Variants in ZBED6 observed in about 807,000 individuals in gnomAD.
ZBED6 encodes the protein zinc finger BED domain-containing protein 6.
A neutral mutation model predicts 58.4 loss-of-function variants in ZBED6; 40 were observed. The ratio of observed to expected loss-of-function variants is 0.68; its 90% CI spans 0.53 to 0.89. ZBED6 has a LOEUF of 0.89. ZBED6 is among the 40% of genes least tolerant of loss of function. ZBED6 has a pLI of 0.00. For synonymous variants in ZBED6, 439 were observed against 350.6 expected, an observed-to-expected ratio of 1.25 and a Z score of -2.82; for missense variants, 1,057 against 1,003.9, an observed-to-expected ratio of 1.05 and a Z score of -0.71.
chr1:203,803,213 C>T (rs553294821), intron 1 of ZBED6, among the ~76,000 whole-genome samples, 197 bp downstream of exon 1: 8 of 151,764 alleles, frequency 5.3e-5, no homozygotes, highest in East Asian at 3.9e-4. Context: ...TTTTTGGAGA[C>T]GGAGTTTTAC....
intron 3 of ZBED6, among the ~76,000 whole-genome samples, chr1:203,826,631 G>A (rs1204453986): frequency 2.0e-5 from 3 of 151,966 alleles, no homozygotes; most frequent in African/African-American, 7.2e-5. Flanking sequence ...ATACATTTAA[G>A]CATCTTTTTG....
chr1:203,809,641 C>T (rs1360042640), intron 1 of ZBED6, among the ~76,000 whole-genome samples: 7 of 151,844 alleles, frequency 4.6e-5, no homozygotes, highest in African/African-American at 1.5e-4. Flanking sequence ...TATTTTCAAA[C>T]GGTTATTTTC....
At chr1:203,850,563 C>G in exon 15 of ZBED6, 1 of 1,613,970 alleles carries the variant, frequency 6.2e-7, no homozygotes, top group Non-Finnish European at 8.5e-7. Context: ...GTTGTGTCAT[C>G]CCCCAAATTG....
At chr1:203,832,822 GGAGTA>G (rs1682834217) in intron 8 of ZBED6, among the ~76,000 whole-genome samples, 1 of 152,192 alleles carries the variant, frequency 6.6e-6, no homozygotes, top group Non-Finnish European at 1.5e-5. Flanking sequence ...AGTTAACATC[GGAGTA>G]GAGTACAGTT....
intron 6 of ZBED6, 67 bp downstream of exon 6, chr1:203,829,963 A>G (rs1195590355): frequency 2.1e-6 from 3 of 1,448,502 alleles, no homozygotes; most frequent in South Asian, 2.3e-5. Flanking sequence ...TTAGTTCACA[A>G]TCATTGACCT....
intron 8 of ZBED6, among the ~76,000 whole-genome samples, 166 bp from the exon 9 acceptor site, chr1:203,833,625 T>G (rs1480553028): frequency 1.3e-5 from 2 of 149,418 alleles, no homozygotes; most frequent in South Asian, 2.1e-4. Flanking sequence ...TGGGTTTTTT[T>G]TTTTTTTTTT....
intron 1 of ZBED6, among the ~76,000 whole-genome samples, chr1:203,803,793 G>A (rs868510730): frequency 6.6e-6 from 1 of 152,122 alleles, no homozygotes; most frequent in Non-Finnish European, 1.5e-5. Flanking sequence ...CTTTTGTAGA[G>A]ATGGAGTTGC....
intron 1 of ZBED6, among the ~76,000 whole-genome samples, chr1:203,803,794 A>G (rs1671259868): frequency 6.6e-6 from 1 of 152,094 alleles, no homozygotes; most frequent in Non-Finnish European, 1.5e-5. Context: ...TTTTGTAGAG[A>G]TGGAGTTGCT....
intron 7 of ZBED6, among the ~76,000 whole-genome samples, chr1:203,831,281 A>AT (rs1305212576): frequency 6.6e-6 from 1 of 152,128 alleles, no homozygotes; most frequent in Non-Finnish European, 1.5e-5. Flanking sequence ...GGCTTGCTTT[A>AT]TAGCAACCTT....
chr1:203,808,006 TG>T (rs1672963101), intron 1 of ZBED6, among the ~76,000 whole-genome samples: 1 of 152,152 alleles, frequency 6.6e-6, no homozygotes, highest in African/African-American at 2.4e-5. Context: ...CCTCTCAAAG[TG>T]CTGGCATTAC....
chr1:203,852,069 TCC>T, intron 16 of ZBED6, 70 bp from the exon 17 acceptor site: 5 of 1,579,782 alleles, frequency 3.2e-6, no homozygotes, highest in Non-Finnish European at 4.3e-6. Context: ...TCACTTTGTG[TCC>T]GTGAGACTAG....
intron 3 of ZBED6, among the ~76,000 whole-genome samples, chr1:203,821,762 G>GTT (rs201404414): frequency 4.2e-5 from 6 of 141,662 alleles, no homozygotes; most frequent in South Asian, 2.3e-4. Flanking sequence ...TTTTGGTTTT[G>GTT]TTTTTTTTTT....
chr1:203,839,196 G>A (rs1303045475), intron 10 of ZBED6, among the ~76,000 whole-genome samples: 1 of 152,096 alleles, frequency 6.6e-6, no homozygotes. Flanking sequence ...GAGATAGCTG[G>A]GAGTTAGATT....
At chr1:203,814,454 G>A (rs1284374638) in intron 1 of ZBED6, among the ~76,000 whole-genome samples, 1 of 152,088 alleles carries the variant, frequency 6.6e-6, no homozygotes, top group Non-Finnish European at 1.5e-5. Flanking sequence ...AACCTGGGAG[G>A]CAGAGGTTGC....
At chr1:203,818,448 T>G in intron 2 of ZBED6, 122 bp from the exon 3 acceptor site, 1 of 1,320,230 alleles carries the variant, frequency 7.6e-7, no homozygotes, top group South Asian at 1.4e-5. Flanking sequence ...CCATTGTTTT[T>G]TACCTTACCA....
chr1:203,853,571 G>A lies in ZBED6; in HGVS notation c.*6304G>A, dbSNP rs1320156711. ...TGTTGTATATAATCAGGAGGAAGAG[G>A]AAGGAAGGACTTACCCATTTTGATA... On this transcript the variant is annotated 3_prime_UTR_variant, in exon 17 of 17. Coordinates refer to ENST00000550078, the Ensembl canonical transcript of ZBED6. The A allele has an allele frequency of 1.4e-4, 22 of 152,712 alleles. No individual in the cohort carries two copies. In the East Asian group the frequency reaches 4.1e-3, roughly 28 times the overall value. The allele number at this position is 152,712 out of a possible 1,614,324, so 9.5% of individuals were successfully genotyped here. A position where few individuals can be genotyped will look rare whatever the true frequency, so the allele number is the denominator to read the frequency against.
At chr1:203,834,471 C>T (rs1266132051) in intron 9 of ZBED6, among the ~76,000 whole-genome samples, 1 of 152,008 alleles carries the variant, frequency 6.6e-6, no homozygotes, top group African/African-American at 2.4e-5. Context: ...AGGGTTTCAC[C>T]ATGTTGCCCA....
chr1:203,827,226 T>C (rs893526668), intron 3 of ZBED6, among the ~76,000 whole-genome samples: 5 of 152,224 alleles, frequency 3.3e-5, no homozygotes, highest in African/African-American at 1.2e-4. Context: ...ATTATAGAGC[T>C]ATTGAAAATA....
chr1:203,818,445 T>G (rs1677118579), intron 2 of ZBED6, 125 bp from the exon 3 acceptor site: 1 of 1,300,164 alleles, frequency 7.7e-7, no homozygotes, highest in African/African-American at 1.5e-5. Flanking sequence ...TGTCCATTGT[T>G]TTTTACCTTA....
Sources: allele counts gnomAD v4.1 joint callset (sites outside exome capture counted in the v4.1 genomes callset), GRCh38; gene constraint gnomAD v4.1.1; transcripts MANE v1.5; gene names NCBI Gene and HGNC (gene_info 2026-07-23, HGNC 2026-07-21).